CSMD1: variants seen among roughly 807,000 people sequenced by gnomAD.
CSMD1 encodes the protein CUB and sushi domain-containing protein 1.
In CSMD1, 213 loss-of-function variants were observed where a neutral mutation model predicts 417.5. That is an observed-to-expected ratio of 0.51 (90% CI 0.46 to 0.57). The LOEUF (loss-of-function observed/expected upper bound fraction) is 0.57, where lower values mean the gene tolerates loss of function less well. CSMD1 is among the 20% of genes least tolerant of loss of function. CSMD1 has a pLI of 0.00. For missense variants in CSMD1, 6,923 were observed against 4,529.7 expected (o/e 1.53, Z -15.17); for synonymous variants, 2,862 against 1,736.8 (o/e 1.65, Z -16.11).
intron 1 of CSMD1, among the ~76,000 whole-genome samples, chr8:4,905,702 C>T (rs1317821664): frequency 6.6e-6 from 1 of 151,776 alleles, no homozygotes; most frequent in Non-Finnish European, 1.5e-5. Context: ...CGCCTGTAGT[C>T]CCAGCTCCTC....
intron 12 of CSMD1, among the ~76,000 whole-genome samples, chr8:3,422,757 T>G (rs1442653757): frequency 1.3e-5 from 2 of 152,336 alleles, no homozygotes; most frequent in East Asian, 3.9e-4. Flanking sequence ...GGGTAATGTA[T>G]GAAGAGCAGA....
chr8:4,226,172 T>G (rs1284208491), intron 3 of CSMD1, among the ~76,000 whole-genome samples: 1 of 151,984 alleles, frequency 6.6e-6, no homozygotes, highest in Non-Finnish European at 1.5e-5. Context: ...CATCTTACTC[T>G]TAGCAACTTA....
intron 1 of CSMD1, among the ~76,000 whole-genome samples, chr8:4,939,507 G>A (rs1474098454): frequency 6.6e-6 from 1 of 152,162 alleles, no homozygotes; most frequent in Non-Finnish European, 1.5e-5. Context: ...CAATATGAAT[G>A]AAACAGACAT....
At chr8:3,129,600 C>T (rs943433858) in intron 41 of CSMD1, among the ~76,000 whole-genome samples, 51 of 151,454 alleles carry the variant, frequency 3.4e-4, no homozygotes, top group Admixed American at 2.0e-4. Flanking sequence ...CATGGTGAAA[C>T]CTTCTCTATA....
chr8:4,064,827 T>C (rs375938261), intron 3 of CSMD1, among the ~76,000 whole-genome samples: 3 of 152,128 alleles, frequency 2.0e-5, no homozygotes, highest in African/African-American at 7.2e-5. Flanking sequence ...TATATCTATA[T>C]CATGTCAATA....
intron 5 of CSMD1, among the ~76,000 whole-genome samples, chr8:3,993,675 T>TA (rs1814932547): frequency 6.6e-6 from 1 of 152,142 alleles, no homozygotes; most frequent in Admixed American, 6.5e-5. Context: ...GCTTACACCT[T>TA]AAAAAATCAT....
intron 1 of CSMD1, among the ~76,000 whole-genome samples, chr8:4,843,020 T>C (rs1563564511): frequency 6.6e-6 from 1 of 152,220 alleles, no homozygotes; most frequent in East Asian, 1.9e-4. Context: ...TCCAGGACTC[T>C]AACATCAACT....
intron 1 of CSMD1, among the ~76,000 whole-genome samples, chr8:4,954,969 G>A (rs1808991064): frequency 6.6e-6 from 1 of 152,150 alleles, no homozygotes. Flanking sequence ...CTTTTAGAAT[G>A]TTCCTGTCTA....
chr8:4,093,963 CAAAT>C (rs1198731597), intron 3 of CSMD1, among the ~76,000 whole-genome samples: 3 of 114,540 alleles, frequency 2.6e-5, no homozygotes, highest in East Asian at 5.1e-4. Context: ...GACTACATCT[CAAAT>C]AGATAGATAG....
intron 3 of CSMD1, among the ~76,000 whole-genome samples, chr8:4,199,445 C>T (rs1199993381): frequency 6.6e-6 from 1 of 152,154 alleles, no homozygotes; most frequent in African/African-American, 2.4e-5. Context: ...AAGTCTATTG[C>T]ATCTCAGTTT....
intron 54 of CSMD1, among the ~76,000 whole-genome samples, chr8:2,990,645 C>T (rs1050087070): frequency 2.6e-5 from 4 of 152,186 alleles, no homozygotes; most frequent in African/African-American, 9.6e-5. Flanking sequence ...GATTCCATTC[C>T]TCCTCCCTCC....
intron 5 of CSMD1, among the ~76,000 whole-genome samples, chr8:3,933,484 C>G (rs191521014): frequency 1.5e-4 from 23 of 152,252 alleles, no homozygotes; most frequent in African/African-American, 5.3e-4. Flanking sequence ...CAACCCCTTT[C>G]AGCCATGGTC....
chr8:4,545,344 T>C (rs1199434318), intron 2 of CSMD1, among the ~76,000 whole-genome samples: 2 of 152,222 alleles, frequency 1.3e-5, no homozygotes, highest in African/African-American at 2.4e-5. Context: ...TAAATATTTA[T>C]TATTCTTTCG....
intron 7 of CSMD1, among the ~76,000 whole-genome samples, chr8:3,665,064 C>T (rs1798612544): frequency 6.6e-6 from 1 of 151,984 alleles, no homozygotes; most frequent in Admixed American, 6.6e-5. Flanking sequence ...GTTTCCATGA[C>T]ATTCAAGAAA....
At chr8:3,980,880 G>C (rs1180681854) in intron 5 of CSMD1, among the ~76,000 whole-genome samples, 2 of 152,184 alleles carry the variant, frequency 1.3e-5, no homozygotes, top group Admixed American at 6.5e-5. Flanking sequence ...TGAAGGTGGA[G>C]ACTGTTTTTA....
chr8:4,772,856 T>C (rs921613358), intron 1 of CSMD1, among the ~76,000 whole-genome samples: 1 of 152,198 alleles, frequency 6.6e-6, no homozygotes. Flanking sequence ...TTCTGAATCA[T>C]TCCATGAAAT....
At chr8:3,001,480 T>A (rs1384331140) in intron 52 of CSMD1, among the ~76,000 whole-genome samples, 1 of 152,208 alleles carries the variant, frequency 6.6e-6, no homozygotes, top group Non-Finnish European at 1.5e-5. Flanking sequence ...GTGTTACACA[T>A]GGGTTTTGGA....
In CSMD1 at chr8:4,460,575, C is replaced by G. The variant is rs188923846; in HGVS notation, c.303-40510G>C. Among the ~76,000 whole-genome samples the G allele has an allele frequency of 1.4e-3, 214 of 150,524 alleles. 3 individuals are homozygous for G. In the South Asian group the frequency reaches 0.02, roughly 14 times the overall value. On this transcript the variant is annotated intron_variant, in intron 2 of 69. Coordinates refer to ENST00000635120, the MANE Select transcript of CSMD1 (RefSeq NM_033225.6). Reference sequence around the variant, plus strand: ...ATTAAGAATCTTTTGCTAGACTGTTCAAGAAATAAAGAAGTCTCAAATTAC... The same window carrying G: ...ATTAAGAATCTTTTGCTAGACTGTTGAAGAAATAAAGAAGTCTCAAATTAC...
intron 5 of CSMD1, among the ~76,000 whole-genome samples, chr8:3,808,460 C>A (rs930184279): frequency 6.6e-6 from 1 of 152,114 alleles, no homozygotes; most frequent in Non-Finnish European, 1.5e-5. Flanking sequence ...CTGTGTTTCT[C>A]TCTTTATACT....
Sources: allele counts gnomAD v4.1 joint callset (sites outside exome capture counted in the v4.1 genomes callset), GRCh38; gene constraint gnomAD v4.1.1; transcripts MANE v1.5; gene names NCBI Gene and HGNC (gene_info 2026-07-23, HGNC 2026-07-21).